KAT6B: variants seen among roughly 807,000 people sequenced by gnomAD.
KAT6B encodes the protein lysine acetyltransferase 6B.
A neutral mutation model predicts 187.5 loss-of-function variants in KAT6B; 10 were observed. The ratio of observed to expected loss-of-function variants is 0.05; its 90% CI spans 0.03 to 0.09. KAT6B has a LOEUF of 0.09. Among genes scored for constraint, KAT6B ranks in the 10% least tolerant of loss-of-function variants. The pLI is 1.00. For synonymous variants in KAT6B, 861 were observed against 926.8 expected, an observed-to-expected ratio of 0.93 and a Z score of 1.29; for missense variants, 1,952 against 2,558.9, an observed-to-expected ratio of 0.76 and a Z score of 5.12.
chr10:75,021,086 A>C lies in KAT6B; in HGVS notation c.2862-40A>C, dbSNP rs1252587518. The C allele has an allele frequency of 5.6e-6, 9 of 1,596,422 alleles. No individual in the cohort carries two copies. In the Admixed American group the frequency reaches 1.5e-4, roughly 27 times the overall value. ...GTATGTGAAGCTGAAGTGAAATTTC[A>C]GCTTGTGATTACATCTTGTTCTGCC... On this transcript the variant is annotated intron_variant, in intron 14 of 17. Transcript: ENST00000287239.
intron 11 of KAT6B, 47 bp downstream of exon 11, chr10:74,981,975 T>C (rs1411980359): frequency 6.5e-7 from 1 of 1,545,232 alleles, no homozygotes; most frequent in Non-Finnish European, 8.9e-7. Context: ...AATCTAGTAC[T>C]CCTAATTGTT....
In KAT6B at chr10:74,981,859, C is replaced by A; in HGVS notation, c.2304C>A (p.Ser768=). The change falls in exon 11 of 18, where the codon TCC becomes TCA. Residue 768 remains serine (S), a synonymous_variant. Coordinates refer to ENST00000287239, the MANE Select transcript of KAT6B (RefSeq NM_012330.4). ...GTAAAAATATTTTGCTAAGACACTC[C>A]AAGAAGTGTGGATGGTTTCATCCTC... ...MKSKNILLRH[S]KKCGWFHPPA... is the part of the protein sequence containing the mutation. The A allele has an allele frequency of 2.5e-6, 4 of 1,608,798 alleles. No homozygotes were observed. The highest frequency in any genetic ancestry group is 3.4e-6 in the Non-Finnish European group (4 of 1,175,262).
intron 15 of KAT6B, 121 bp from the exon 16 acceptor site, chr10:75,021,760 T>G: frequency 1.0e-6 from 1 of 952,760 alleles, no homozygotes. Context: ...AGCTGGAATG[T>G]GCTTGGCTGG....
At chr10:74,982,231 T>G in intron 11 of KAT6B, 1 of 348,750 alleles carries the variant, frequency 2.9e-6, no homozygotes. Context: ...AAATTCTACT[T>G]TCTTTGGCAG....
At chr10:74,949,658 A>G (rs994494321) in intron 3 of KAT6B, among the ~76,000 whole-genome samples, 3 of 144,164 alleles carry the variant, frequency 2.1e-5, no homozygotes, top group Non-Finnish European at 4.4e-5. Flanking sequence ...TGATGTTCTT[A>G]GAAAGACTTT....
At position 74,977,343 on chromosome 10, in the gene KAT6B, A is replaced by C. The variant is rs1311179787; in HGVS notation, c.2021A>C (p.Gln674Pro). ...DDTEIKINIK[Q>P]ESADVNVIGN... is the part of the protein sequence containing the mutation. ...ACTGAAATAAAAATAAACATCAAAC[A>C]AGAAAGTGCAGATGTAAATGTGATT... Residue 674 changes from glutamine (Q) to proline (P), a missense_variant, in exon 9 of 18, where the codon CAA becomes CCA. Coordinates refer to ENST00000287239, the MANE Select transcript of KAT6B (RefSeq NM_012330.4). 6.2e-7 allele frequency: 1 copy of C among 1,613,586 alleles called. No homozygotes were observed. Among genetic ancestry groups the C allele is most frequent in the Admixed American group, 1.7e-5 (1 of 60,008 alleles).
At chr10:74,872,575 A>C (rs1176159721) in intron 3 of KAT6B, among the ~76,000 whole-genome samples, 1 of 151,944 alleles carries the variant, frequency 6.6e-6, no homozygotes, top group African/African-American at 2.4e-5. Flanking sequence ...ACAGGGTCTC[A>C]CTATGTTACC....
chr10:74,828,930 G>A, intron 1 of KAT6B, among the ~76,000 whole-genome samples: 1 of 151,678 alleles, frequency 6.6e-6, no homozygotes, highest in Non-Finnish European at 1.5e-5. Context: ...TTTTAAGAAG[G>A]AAAGGATAAT....
chr10:74,893,453 G>T (rs968516082), intron 3 of KAT6B, among the ~76,000 whole-genome samples: 2 of 149,626 alleles, frequency 1.3e-5, no homozygotes, highest in Non-Finnish European at 3.0e-5. Flanking sequence ...CTAGAAATCA[G>T]TGGGTTTTTT....
intron 3 of KAT6B, among the ~76,000 whole-genome samples, chr10:74,949,956 C>A (rs1389845494): frequency 6.6e-6 from 1 of 152,106 alleles, no homozygotes; most frequent in Admixed American, 6.5e-5. Flanking sequence ...TCAAGATCTC[C>A]ATACATTAAC....
At chr10:74,847,517 A>T (rs1842189504) in intron 3 of KAT6B, among the ~76,000 whole-genome samples, 1 of 152,126 alleles carries the variant, frequency 6.6e-6, no homozygotes, top group Admixed American at 6.5e-5. Context: ...ATACAAAAGT[A>T]GCCGGGCATG....
At position 74,983,785 on chromosome 10, in the gene KAT6B, G is replaced by A. The variant is rs766071189; in HGVS notation, c.2374-1295G>A. The stretch of plus-strand genomic sequence containing the variant: ...GCATGTATGTAAAATTCACTTATAC[G>A]AATAAGGAGTTGGATTTGATAAGTA... On this transcript the variant is annotated intron_variant, in intron 11 of 17. Coordinates refer to ENST00000287239, the MANE Select transcript of KAT6B (RefSeq NM_012330.4). The A allele has an allele frequency of 1.6e-4, 24 of 152,166 alleles. 1 individual carries two copies. Among genetic ancestry groups the A allele is most frequent in the South Asian group, 6.2e-4 (3 of 4,826 alleles). The allele number at this position is 152,166 out of a possible 1,614,324, so 9.4% of individuals were successfully genotyped here.
chr10:74,832,563 G>A (rs947444270), intron 1 of KAT6B, among the ~76,000 whole-genome samples: 8 of 152,050 alleles, frequency 5.3e-5, no homozygotes, highest in South Asian at 4.2e-4. Context: ...GTGCAATGGC[G>A]TAATCTTGGC....
intron 4 of KAT6B, among the ~76,000 whole-genome samples, chr10:74,962,094 C>T (rs1169865630): frequency 6.6e-6 from 1 of 152,204 alleles, no homozygotes; most frequent in Non-Finnish European, 1.5e-5. Flanking sequence ...TTCACTTAAT[C>T]TTCCCTTGAG....
intron 10 of KAT6B, among the ~76,000 whole-genome samples, chr10:74,980,014 C>T (rs1466579630): frequency 6.6e-6 from 1 of 152,136 alleles, no homozygotes; most frequent in Non-Finnish European, 1.5e-5. Context: ...CAAAAATTAG[C>T]CAGACGTGAT....
intron 3 of KAT6B, among the ~76,000 whole-genome samples, chr10:74,880,262 A>T (rs1387422456): frequency 2.0e-5 from 3 of 152,190 alleles, no homozygotes; most frequent in Non-Finnish European, 4.4e-5. Context: ...GCAACCACTC[A>T]TCTATTTTCT....
At chr10:74,869,603 A>T (rs1379507597) in intron 3 of KAT6B, among the ~76,000 whole-genome samples, 2 of 152,226 alleles carry the variant, frequency 1.3e-5, no homozygotes, top group East Asian at 3.8e-4. Flanking sequence ...TTGTTCTTTA[A>T]AAAGACTTTT....
chr10:74,959,683 G>A lies in KAT6B; in HGVS notation c.622-287G>A, dbSNP rs185255508. Among the ~76,000 whole-genome samples the A allele has an allele frequency of 9.5e-4, 144 of 152,284 alleles. 1 individual carries two copies. The highest frequency in any genetic ancestry group is 2.6e-3 in the African/African-American group (107 of 41,574). ...CGCGCATCTGTAATCCCAGATACTC[G>A]GGAGGCTGAGGCAGGGGAATCGCTT... On this transcript the variant is annotated intron_variant, in intron 3 of 17. Transcript: ENST00000287239.
At position 75,000,169 on chromosome 10, in the gene KAT6B, C is replaced by CT. The variant is rs1359033583; in HGVS notation, c.2629+11070dup. Among the ~76,000 whole-genome samples the CT allele has an allele frequency of 9.1e-3, 1,315 of 144,114 alleles. 8 individuals are homozygous for CT. The highest frequency in any genetic ancestry group is 0.018 in the Middle Eastern group (5 of 274). 94.5% of individuals were successfully genotyped at this position (144,114 alleles called of 152,430 possible). A position where few individuals can be genotyped will look rare whatever the true frequency, so the allele number is the denominator to read the frequency against. On this transcript the variant is annotated intron_variant, in intron 13 of 17. Coordinates refer to ENST00000287239, the MANE Select transcript of KAT6B (RefSeq NM_012330.4). ...CCTGGGCGACAGAGCAAGACTCTGT[C>CT]TTTTTTTTTTTTTCTTTTTTTAAAA...
Sources: gnomAD v4.1 joint callset for allele counts (sites outside exome capture counted in the v4.1 genomes callset) on GRCh38, gnomAD v4.1.1 for gene constraint, MANE v1.5 for transcripts, NCBI Gene and HGNC (gene_info 2026-07-23, HGNC 2026-07-21) for gene names.